The following DCTN4 variants were observed in gnomAD, a reference collection of about 807,000 sequenced individuals.
DCTN4 encodes dynactin 4 (p62).
A neutral mutation model predicts 62.7 loss-of-function variants in DCTN4; 23 were observed. The ratio of observed to expected loss-of-function variants is 0.37; its 90% CI spans 0.26 to 0.52. The LOEUF (loss-of-function observed/expected upper bound fraction) is 0.52. DCTN4 is among the 20% of genes least tolerant of loss of function. DCTN4 has a pLI of 0.92. For synonymous variants in DCTN4, 199 were observed against 202.1 expected (o/e 0.98, Z 0.13); for missense variants, 514 against 580.4 (o/e 0.89, Z 1.18).
chr5:150,729,629 A>G (rs2113046562), intron 8 of DCTN4, among the ~76,000 whole-genome samples: 1 of 149,794 alleles, frequency 6.7e-6, no homozygotes, highest in East Asian at 1.9e-4. Context: ...TTTTTTTAAG[A>G]GACAGGGTCT....
intron 12 of DCTN4, among the ~76,000 whole-genome samples, chr5:150,713,182 T>C (rs1482915269): frequency 6.6e-6 from 1 of 152,186 alleles, no homozygotes; most frequent in Non-Finnish European, 1.5e-5. Context: ...CAGTTTAAAA[T>C]GGTAAAAAGA....
chr5:150,731,366 C>A, intron 6 of DCTN4, 50 bp downstream of exon 6: 1 of 1,437,790 alleles, frequency 7.0e-7, no homozygotes, highest in South Asian at 1.2e-5. Flanking sequence ...ATTTGATATT[C>A]ATTTTGATAC....
intron 4 of DCTN4, among the ~76,000 whole-genome samples, chr5:150,740,967 G>T (rs1760746751): frequency 6.6e-6 from 1 of 152,048 alleles, no homozygotes; most frequent in Non-Finnish European, 1.5e-5. Flanking sequence ...TCAGGTGATA[G>T]GTACACCAAA....
chr5:150,738,218 G>C (rs1462910033), intron 4 of DCTN4, among the ~76,000 whole-genome samples: 1 of 152,112 alleles, frequency 6.6e-6, no homozygotes, highest in African/African-American at 2.4e-5. Context: ...GAATCCTACT[G>C]AAACTATTCC....
intron 3 of DCTN4, among the ~76,000 whole-genome samples, chr5:150,746,768 C>A (rs181137550): frequency 0.023 from 3,531 of 152,114 alleles, 159 homozygotes; most frequent in African/African-American, 0.081. Flanking sequence ...TCAATAAATT[C>A]GGTATTGATG....
intron 8 of DCTN4, among the ~76,000 whole-genome samples, chr5:150,725,229 C>T (rs575275056): frequency 2.1e-4 from 32 of 150,482 alleles, no homozygotes; most frequent in South Asian, 8.4e-4. Flanking sequence ...ACTCATTCTG[C>T]GGATATACTA....
At chr5:150,754,701 CTCACGCT>C (rs1177603420) in intron 2 of DCTN4, among the ~76,000 whole-genome samples, 1 of 152,208 alleles carries the variant, frequency 6.6e-6, no homozygotes, top group Admixed American at 6.5e-5. Flanking sequence ...GGCACAGCAG[CTCACGCT>C]TGTAATCCCA....
At chr5:150,736,016 A>G (rs991713948) in intron 4 of DCTN4, among the ~76,000 whole-genome samples, 1 of 151,914 alleles carries the variant, frequency 6.6e-6, no homozygotes, top group South Asian at 2.1e-4. Flanking sequence ...AGACACACTT[A>G]GACAAGGCTT....
intron 9 of DCTN4, among the ~76,000 whole-genome samples, chr5:150,720,071 G>A (rs1759904943): frequency 6.6e-6 from 1 of 152,160 alleles, no homozygotes; most frequent in Non-Finnish European, 1.5e-5. Context: ...TTATCTCCTT[G>A]TGCCTTGGTT....
chr5:150,713,651 C>T (rs975956812), intron 12 of DCTN4, among the ~76,000 whole-genome samples: 7 of 151,054 alleles, frequency 4.6e-5, no homozygotes, highest in Non-Finnish European at 1.0e-4. Context: ...GCCATGTTGG[C>T]CAGGCTGGTC....
At chr5:150,715,787 T>C (rs992921384) in intron 11 of DCTN4, 125 bp from the exon 12 acceptor site, 3 of 708,090 alleles carry the variant, frequency 4.2e-6, no homozygotes, top group East Asian at 2.7e-5. Context: ...ACTACTTCTA[T>C]GGAGTTTATA....
chr5:150,743,400 C>A (rs188508689), intron 3 of DCTN4, among the ~76,000 whole-genome samples: 1,681 of 152,356 alleles, frequency 0.011, 30 homozygotes, highest in African/African-American at 0.036. Flanking sequence ...ACAGCAGTAA[C>A]CTCTGCAGAC....
chr5:150,748,234 G>C (rs1752531565), intron 3 of DCTN4, among the ~76,000 whole-genome samples: 2 of 149,742 alleles, frequency 1.3e-5, no homozygotes, highest in Non-Finnish European at 3.0e-5. Flanking sequence ...AAACCACAAT[G>C]AGATACCATC....
intron 8 of DCTN4, among the ~76,000 whole-genome samples, chr5:150,723,557 C>T (rs567861825): frequency 6.6e-6 from 1 of 152,362 alleles, no homozygotes; most frequent in Admixed American, 6.5e-5. Context: ...CAGCCTCCAA[C>T]TCCTGGGCTC....
At chr5:150,745,382 C>G (rs1156785221) in intron 3 of DCTN4, among the ~76,000 whole-genome samples, 10 of 151,700 alleles carry the variant, frequency 6.6e-5, no homozygotes, top group Non-Finnish European at 1.3e-4. Flanking sequence ...GACAGATCAA[C>G]GAGACAGAAA....
intron 3 of DCTN4, 113 bp from the exon 4 acceptor site, chr5:150,742,270 CATTCTGGTCTATATAACTATAGACT>C (rs1315187890): frequency 9.6e-7 from 1 of 1,037,492 alleles, no homozygotes; most frequent in African/African-American, 1.6e-5. Flanking sequence ...TTATATAGAC[CATTCTGGTCTATATAACTATAGACT>C]ATAATGTTCA....
At chr5:150,729,234 TTTC>T (rs1760270018) in intron 8 of DCTN4, among the ~76,000 whole-genome samples, 1 of 151,510 alleles carries the variant, frequency 6.6e-6, no homozygotes, top group African/African-American at 2.4e-5. Context: ...CTTCTTTTTC[TTTC>T]TTTTTATAAA....
rs779552884 is a variant in DCTN4 at position 150,730,952 on chromosome 5, T to A, written c.724+92A>T. 7.9e-4 allele frequency: 673 copies of A among 846,862 alleles called. 1 individual carries two copies. The highest frequency in any genetic ancestry group is 1.2e-3 in the Non-Finnish European group (604 of 520,218). 52.5% of individuals were successfully genotyped at this position (846,862 alleles called of 1,614,324 possible). A position where few individuals can be genotyped will look rare whatever the true frequency, so the allele number is the denominator to read the frequency against. On this transcript the variant is annotated intron_variant, in intron 7 of 12. Coordinates refer to ENST00000447998, the MANE Select transcript of DCTN4 (RefSeq NM_016221.4). ...TATTGTTTTTACTACTAACAGCTAT[T>A]CCATTAAAAATCTCAAATCACTAGG...
intron 11 of DCTN4, among the ~76,000 whole-genome samples, chr5:150,716,314 GAA>G (rs1759756089): frequency 6.6e-6 from 1 of 152,090 alleles, no homozygotes; most frequent in Non-Finnish European, 1.5e-5. Context: ...ACACAAAGGA[GAA>G]ACACTGGTTC....
Sources: allele counts gnomAD v4.1 joint callset (sites outside exome capture counted in the v4.1 genomes callset), GRCh38; gene constraint gnomAD v4.1.1; transcripts MANE v1.5; gene names NCBI Gene and HGNC (gene_info 2026-07-23, HGNC 2026-07-21).